ERI3: variants seen among roughly 807,000 people sequenced by gnomAD.
ERI3 encodes the protein ERI1 exoribonuclease family member 3, also known as ERI1 exoribonuclease 3.
A neutral mutation model predicts 44.4 loss-of-function variants in ERI3; 18 were observed. The ratio of observed to expected loss-of-function variants is 0.41; its 90% CI spans 0.28 to 0.60. ERI3 has a LOEUF of 0.60. ERI3 is among the 20% of genes least tolerant of loss of function. The pLI, the probability that ERI3 is intolerant of heterozygous loss-of-function variation, is 0.36. For missense variants in ERI3, 294 were observed against 435.5 expected (o/e 0.68, Z 2.89); for synonymous variants, 183 against 164.8 (o/e 1.11, Z -0.84).
chr1:44,282,341 A>C (rs1478095897), intron 7 of ERI3, among the ~76,000 whole-genome samples: 1 of 152,098 alleles, frequency 6.6e-6, no homozygotes, highest in African/African-American at 2.4e-5. Flanking sequence ...GGGGGAGCAG[A>C]GGAGGAAGAG....
intron 3 of ERI3, among the ~76,000 whole-genome samples, chr1:44,328,549 T>G (rs1005405672): frequency 6.6e-6 from 1 of 152,130 alleles, no homozygotes; most frequent in Non-Finnish European, 1.5e-5. Flanking sequence ...AGACTTCAAA[T>G]GACCTGAGGA....
At chr1:44,338,517 C>A (rs1349640579) in intron 3 of ERI3, among the ~76,000 whole-genome samples, 3 of 152,186 alleles carry the variant, frequency 2.0e-5, no homozygotes, top group Non-Finnish European at 4.4e-5. Flanking sequence ...CAGCTGGCTT[C>A]CCCCAGAGCA....
At position 44,221,355 on chromosome 1, in the gene ERI3, A is replaced by C. The variant is rs1643895042; in HGVS notation, c.*203T>G. 5.3e-6 allele frequency: 3 copies of C among 570,554 alleles called. No homozygotes were observed. The highest frequency in any genetic ancestry group is 9.4e-6 in the Non-Finnish European group (3 of 320,252). 35.3% of individuals were successfully genotyped at this position (570,554 alleles called of 1,614,324 possible). ...ATTGAGGGGTGGGGATGGGGGGCAC[A>C]AAGTGTCTGCTCCAGAAGGGCCAAG... On this transcript the variant is annotated 3_prime_UTR_variant, in exon 9 of 9. Coordinates refer to ENST00000372257, the MANE Select transcript of ERI3 (RefSeq NM_024066.3). The surrounding 1 kb of genome is among the most constrained non-coding windows in gnomAD (Gnocchi z 5.9).
intron 8 of ERI3, among the ~76,000 whole-genome samples, chr1:44,236,184 C>A (rs923660380): frequency 1.3e-5 from 2 of 152,142 alleles, no homozygotes; most frequent in African/African-American, 2.4e-5. Context: ...CTCCCCCTGC[C>A]CTGGCACCCA....
intron 6 of ERI3, among the ~76,000 whole-genome samples, chr1:44,285,314 T>C (rs936776928): frequency 2.6e-5 from 4 of 152,188 alleles, no homozygotes; most frequent in African/African-American, 9.7e-5. Context: ...AACATGATAG[T>C]GCCAAGAACT....
chr1:44,299,832 G>T (rs1645687031), intron 6 of ERI3, among the ~76,000 whole-genome samples: 4 of 152,142 alleles, frequency 2.6e-5, no homozygotes, highest in Admixed American at 2.0e-4. Context: ...GTCCAGCCAG[G>T]TGCCCAGCTG....
chr1:44,323,428 A>G (rs1247689680), intron 3 of ERI3, among the ~76,000 whole-genome samples: 7 of 152,184 alleles, frequency 4.6e-5, no homozygotes. Flanking sequence ...TACCCTCCTT[A>G]ATCCTGGCAG....
intron 6 of ERI3, among the ~76,000 whole-genome samples, chr1:44,286,670 C>T (rs185647049): frequency 9.2e-5 from 14 of 152,268 alleles, no homozygotes; most frequent in South Asian, 6.2e-4. Context: ...CTTCATGAAG[C>T]GGCCAGATCT....
intron 6 of ERI3, among the ~76,000 whole-genome samples, chr1:44,297,906 C>T (rs533047778): frequency 1.3e-5 from 2 of 152,308 alleles, no homozygotes; most frequent in Admixed American, 6.5e-5. Flanking sequence ...TGCCAAGCAG[C>T]AGCAACAGCA....
intron 7 of ERI3, among the ~76,000 whole-genome samples, chr1:44,254,963 T>C (rs912035903): frequency 2.0e-5 from 3 of 151,928 alleles, no homozygotes; most frequent in Non-Finnish European, 4.4e-5. Flanking sequence ...CATTCAAGCA[T>C]ATGCTTAGAT....
At chr1:44,315,904 C>A (rs952719368) in intron 4 of ERI3, among the ~76,000 whole-genome samples, 10 of 152,072 alleles carry the variant, frequency 6.6e-5, no homozygotes, top group Middle Eastern at 3.4e-3. Flanking sequence ...GCAATCCCAG[C>A]CCTTTGGGAG....
chr1:44,305,826 T>C (rs1645820689), intron 6 of ERI3, among the ~76,000 whole-genome samples: 1 of 152,148 alleles, frequency 6.6e-6, no homozygotes, highest in African/African-American at 2.4e-5. Flanking sequence ...GAAATGAAAA[T>C]GTTTGCTGAA....
rs541090780 is a variant in ERI3 at position 44,241,570 on chromosome 1, T to C, written c.931+6369A>G. On this transcript the variant is annotated intron_variant, in intron 8 of 8. Coordinates refer to ENST00000372257, the MANE Select transcript of ERI3 (RefSeq NM_024066.3). This position sits in a 1 kb window ranked among gnomAD's most constrained non-coding sequence, Gnocchi z 5.6. ...CCAGATGGATGCAATTTGCATAATA[T>C]CAGCAGTGGAGGCTGCAAGATCACC... 1.3e-5 allele frequency among the ~76,000 whole-genome samples: 2 copies of C among 151,970 alleles called. No homozygotes were observed. The highest frequency in any genetic ancestry group is 4.8e-5 in the African/African-American group (2 of 41,428).
intron 2 of ERI3, among the ~76,000 whole-genome samples, chr1:44,342,852 T>A (rs1646705803): frequency 2.9e-5 from 1 of 34,354 alleles, no homozygotes; most frequent in African/African-American, 1.4e-4. Context: ...TATATATATA[T>A]ATATATTTTT....
intron 6 of ERI3, among the ~76,000 whole-genome samples, chr1:44,295,118 GA>G (rs1282066113): frequency 6.6e-6 from 1 of 152,142 alleles, no homozygotes; most frequent in East Asian, 1.9e-4. Context: ...ATAGGCTAGT[GA>G]TTTTTAAAGT....
chr1:44,250,060 G>A (rs1644643431), intron 7 of ERI3, among the ~76,000 whole-genome samples: 1 of 152,206 alleles, frequency 6.6e-6, no homozygotes, highest in Non-Finnish European at 1.5e-5. Context: ...TCGGGGAGAA[G>A]ATTGCAGTAA....
At chr1:44,268,569 G>C (rs1399532408) in intron 7 of ERI3, among the ~76,000 whole-genome samples, 3 of 152,190 alleles carry the variant, frequency 2.0e-5, no homozygotes, top group Non-Finnish European at 4.4e-5. Context: ...ATCCAGATCA[G>C]CCCTGAGGAG....
At position 44,224,113 on chromosome 1, in the gene ERI3, T is replaced by C. The variant is rs138984215; in HGVS notation, c.932-2473A>G. On this transcript the variant is annotated intron_variant, in intron 8 of 8. Coordinates refer to ENST00000372257, the MANE Select transcript of ERI3 (RefSeq NM_024066.3). ...CTCACTCTCCAAATCTAATCAAGTA[T>C]GAACTTACGCAGATTTTCTCTTCTT... 5.8e-4 allele frequency among the ~76,000 whole-genome samples: 89 copies of C among 152,296 alleles called. No individual in the cohort carries two copies. The East Asian group carries it at 0.013, about 22-fold the overall frequency.
chr1:44,293,429 C>T (rs562469661), intron 6 of ERI3, among the ~76,000 whole-genome samples: 2 of 152,332 alleles, frequency 1.3e-5, no homozygotes, highest in East Asian at 3.9e-4. Context: ...GGAGAGATGA[C>T]CAGCTGTGCC....
Sources: allele counts gnomAD v4.1 joint callset (sites outside exome capture counted in the v4.1 genomes callset), GRCh38; gene constraint gnomAD v4.1.1; non-coding constraint Gnocchi (gnomAD v3.1); transcripts MANE v1.5; gene names NCBI Gene and HGNC (gene_info 2026-07-23, HGNC 2026-07-21).